Variants in DEUP1 observed in about 807,000 individuals in gnomAD.
DEUP1 encodes coiled-coil domain containing 67.
In DEUP1, 82 loss-of-function variants were observed where a neutral mutation model predicts 87.4. That is an observed-to-expected ratio of 0.94 (90% CI 0.78 to 1.13). The LOEUF (loss-of-function observed/expected upper bound fraction) is 1.13, where lower values mean the gene tolerates loss of function less well. DEUP1 is among the 50% of genes most tolerant of loss of function. The pLI is 0.00. For missense variants in DEUP1, 663 were observed against 681.5 expected (o/e 0.97, Z 0.30); for synonymous variants, 214 against 222.7 (o/e 0.96, Z 0.35).
At chr11:93,409,253 A>G (rs1947367715) in intron 12 of DEUP1, among the ~76,000 whole-genome samples, 2 of 152,166 alleles carry the variant, frequency 1.3e-5, no homozygotes, top group African/African-American at 4.8e-5. Flanking sequence ...GTTTTCTCCA[A>G]ATGAAGAGAA....
chr11:93,398,715 T>C (rs1021653180), intron 11 of DEUP1, among the ~76,000 whole-genome samples: 1 of 148,412 alleles, frequency 6.7e-6, no homozygotes. Flanking sequence ...GTCTTTTTCA[T>C]GTCAAATTTT....
At chr11:93,406,066 T>C (rs1947267726) in intron 11 of DEUP1, among the ~76,000 whole-genome samples, 1 of 151,950 alleles carries the variant, frequency 6.6e-6, no homozygotes, top group African/African-American at 2.4e-5. Context: ...ATATATCCTA[T>C]TTTTTAAAAT....
intron 11 of DEUP1, among the ~76,000 whole-genome samples, chr11:93,397,566 C>T (rs1946979841): frequency 6.6e-6 from 1 of 152,144 alleles, no homozygotes; most frequent in Non-Finnish European, 1.5e-5. Context: ...CCCACTGAGC[C>T]TGCCTAATTC....
intron 11 of DEUP1, among the ~76,000 whole-genome samples, chr11:93,402,984 T>G (rs1449828650): frequency 6.6e-6 from 1 of 151,968 alleles, no homozygotes; most frequent in Non-Finnish European, 1.5e-5. Context: ...ATTATACATT[T>G]CAAAATAGCC....
At chr11:93,406,630 A>ACCC (rs1387792930) in intron 11 of DEUP1, among the ~76,000 whole-genome samples, 3 of 151,880 alleles carry the variant, frequency 2.0e-5, no homozygotes, top group Non-Finnish European at 4.4e-5. Context: ...TAAAAATTGT[A>ACCC]AAAAACTTTG....
chr11:93,417,620 G>C (rs1947690738), intron 13 of DEUP1, among the ~76,000 whole-genome samples: 1 of 152,018 alleles, frequency 6.6e-6, no homozygotes, highest in South Asian at 2.1e-4. Flanking sequence ...GTAATTTATA[G>C]ATTCAGTGCC....
chr11:93,355,628 C>G (rs1944859074), intron 3 of DEUP1, 86 bp downstream of exon 3: 2 of 1,218,604 alleles, frequency 1.6e-6, no homozygotes, highest in Admixed American at 3.2e-5. Flanking sequence ...ATTATACATA[C>G]TTTTTATCAG....
At position 93,390,276 on chromosome 11, in the gene DEUP1, T is replaced by C. The variant is rs566021888; in HGVS notation, c.1041+1151T>C. 1.3e-3 allele frequency among the ~76,000 whole-genome samples: 198 copies of C among 152,294 alleles called. 1 individual carries two copies. The highest frequency in any genetic ancestry group is 4.6e-3 in the African/African-American group (190 of 41,562). ...CCCATAAATATATAGGGTCATAAAT[T>C]CAGTTGTTTGTACAAATTTAACAAA... On this transcript the variant is annotated intron_variant, in intron 9 of 13. Coordinates refer to ENST00000298050, the MANE Select transcript of DEUP1 (RefSeq NM_181645.4).
Position 93,389,111 on chromosome 11 carries a change from A to AAAG in DEUP1, c.1030_1032dup (p.Glu344dup). 1 of 1,585,766 alleles carries AAAG rather than the reference A, an allele frequency of 6.3e-7. No individual in the cohort carries two copies. Among genetic ancestry groups the AAAG allele is most frequent in the Non-Finnish European group, 8.6e-7 (1 of 1,161,520 alleles). On this transcript the variant is annotated inframe_insertion, in exon 9 of 14. Coordinates refer to ENST00000298050, the MANE Select transcript of DEUP1 (RefSeq NM_181645.4). ...GATGCAAGATCAACCAAATCATGAA[A>AAAG]AAGAATTGAACAAGGTATGAAAAAT...
intron 1 of DEUP1, among the ~76,000 whole-genome samples, chr11:93,331,535 G>A (rs957209717): frequency 6.6e-6 from 1 of 152,010 alleles, no homozygotes; most frequent in Non-Finnish European, 1.5e-5. Flanking sequence ...CCCAGATAGG[G>A]CCAAAGAAAG....
chr11:93,350,636 T>C (rs750796224), intron 2 of DEUP1, among the ~76,000 whole-genome samples: 4 of 152,066 alleles, frequency 2.6e-5, no homozygotes, highest in African/African-American at 7.2e-5. Flanking sequence ...TAGTGTATGA[T>C]AGATGATTCT....
At chr11:93,436,118 G>A (rs1168023691) in intron 13 of DEUP1, among the ~76,000 whole-genome samples, 1 of 152,120 alleles carries the variant, frequency 6.6e-6, no homozygotes, top group East Asian at 1.9e-4. Flanking sequence ...AGGATGTTCT[G>A]ACATGCCACA....
chr11:93,364,216 C>CA lies in DEUP1; in HGVS notation c.357dup (p.Val120SerfsTer10). 1 of 1,607,150 alleles carries CA rather than the reference C, an allele frequency of 6.2e-7. No homozygotes were observed. The highest frequency in any genetic ancestry group is 1.3e-5 in the African/African-American group (1 of 74,852). On this transcript the variant is annotated frameshift_variant, in exon 5 of 14. Transcript: ENST00000298050. LOFTEE classifies it high-confidence loss of function. ...TGAGATTACATCAGATGAAACAAAA[C>CA]AAAGTTCCACGAAAAGAATTACCAC...
intron 7 of DEUP1, among the ~76,000 whole-genome samples, chr11:93,377,507 T>A (rs1455031449): frequency 1.3e-5 from 2 of 152,088 alleles, no homozygotes; most frequent in African/African-American, 2.4e-5. Flanking sequence ...GTGTGAGTCC[T>A]TATGTGTCAG....
At chr11:93,428,247 A>G (rs1176999478) in intron 13 of DEUP1, among the ~76,000 whole-genome samples, 1 of 152,130 alleles carries the variant, frequency 6.6e-6, no homozygotes, top group African/African-American at 2.4e-5. Context: ...CATGTACACC[A>G]TGGAATACTA....
chr11:93,402,169 AT>A (rs575534940), intron 11 of DEUP1, among the ~76,000 whole-genome samples: 310 of 152,128 alleles, frequency 2.0e-3, no homozygotes, highest in Non-Finnish European at 3.9e-3. Context: ...GTAAAAAAAA[AT>A]AATTTGATTT....
intron 5 of DEUP1, among the ~76,000 whole-genome samples, chr11:93,369,030 A>G (rs558242768): frequency 1.2e-3 from 184 of 152,222 alleles, no homozygotes; most frequent in Non-Finnish European, 2.2e-3. Context: ...TCAATGTGAG[A>G]TTTGGATGGG....
intron 2 of DEUP1, among the ~76,000 whole-genome samples, chr11:93,344,162 G>A (rs979291349): frequency 3.2e-4 from 49 of 152,140 alleles, no homozygotes; most frequent in African/African-American, 1.1e-3. Context: ...GTTGACTAAA[G>A]AGCAGACTGA....
intron 2 of DEUP1, among the ~76,000 whole-genome samples, chr11:93,337,187 G>T (rs1591073892): frequency 6.6e-6 from 1 of 152,026 alleles, no homozygotes; most frequent in East Asian, 1.9e-4. Flanking sequence ...TGATTCAAAA[G>T]GTCCTTTAAA....
Sources: allele counts gnomAD v4.1 joint callset (sites outside exome capture counted in the v4.1 genomes callset), GRCh38; gene constraint gnomAD v4.1.1; transcripts MANE v1.5; gene names NCBI Gene and HGNC (gene_info 2026-07-23, HGNC 2026-07-21).